Variants in COL27A1 observed in about 807,000 individuals in gnomAD.
The protein encoded by COL27A1 is collagen type XXVII alpha 1 chain, also known as collagen alpha-1(XXVII) chain.
In COL27A1, 106 loss-of-function variants were observed where a neutral mutation model predicts 251.3. The observed-to-expected ratio is 0.42, with a 90% CI of 0.36 to 0.50. The LOEUF (loss-of-function observed/expected upper bound fraction) is 0.50. COL27A1 is among the 20% of genes least tolerant of loss of function. The pLI is 0.00. For missense variants in COL27A1, 2,325 were observed against 2,522.8 expected (o/e 0.92, Z 1.68); for synonymous variants, 1,000 against 986.3 (o/e 1.01, Z -0.26).
At chr9:114,282,193 C>T (rs1395396354) in intron 37 of COL27A1, 84 bp from the exon 38 acceptor site, 19 of 1,295,586 alleles carry the variant, frequency 1.5e-5, no homozygotes, top group Non-Finnish European at 1.7e-5. Flanking sequence ...CCTCCAGAGC[C>T]GACAGTCTGA....
At chr9:114,206,362 G>C in intron 10 of COL27A1, 66 bp downstream of exon 10, 1 of 1,510,954 alleles carries the variant, frequency 6.6e-7, no homozygotes, top group Non-Finnish European at 9.2e-7. Flanking sequence ...TCCCTCCAGT[G>C]GGCTTGATGG....
At chr9:114,208,578 C>G (rs906047083) in intron 10 of COL27A1, among the ~76,000 whole-genome samples, 5 of 152,148 alleles carry the variant, frequency 3.3e-5, no homozygotes, top group African/African-American at 1.2e-4. Flanking sequence ...GCTCAATAAA[C>G]ATTAGCTTTT....
At chr9:114,236,150 C>T (rs1419084284) in intron 17 of COL27A1, among the ~76,000 whole-genome samples, 1 of 152,166 alleles carries the variant, frequency 6.6e-6, no homozygotes, top group African/African-American at 2.4e-5. Context: ...CCCAGCCTCT[C>T]CACACCACCC....
intron 23 of COL27A1, among the ~76,000 whole-genome samples, chr9:114,243,985 G>A (rs1476375564): frequency 6.7e-6 from 1 of 149,616 alleles, no homozygotes; most frequent in Non-Finnish European, 1.5e-5. Flanking sequence ...GAGTGCAGTG[G>A]TGCAATCTCA....
chr9:114,305,901 G>A (rs1829007859), intron 57 of COL27A1, among the ~76,000 whole-genome samples: 1 of 152,240 alleles, frequency 6.6e-6, no homozygotes, highest in Non-Finnish European at 1.5e-5. Flanking sequence ...TGGAAGGAGG[G>A]TTTATTTAGC....
At chr9:114,267,615 G>A in intron 34 of COL27A1, 58 bp downstream of exon 34, 1 of 1,438,366 alleles carries the variant, frequency 7.0e-7, no homozygotes, top group Non-Finnish European at 9.6e-7. Context: ...CCAGATGGTG[G>A]CCACATCCTC....
At chr9:114,262,124 C>A (rs1190563963) in intron 28 of COL27A1, among the ~76,000 whole-genome samples, 6 of 152,182 alleles carry the variant, frequency 3.9e-5, no homozygotes, top group African/African-American at 1.4e-4. Flanking sequence ...CAGTTGTCTG[C>A]CATCAGCTCA....
chr9:114,272,547 A>C (rs898106708), intron 36 of COL27A1: 1 of 152,244 alleles, frequency 6.6e-6, no homozygotes. Flanking sequence ...CTGCGTCTCG[A>C]ATATGCACAG....
chr9:114,288,012 C>T (rs1393730157), intron 41 of COL27A1, among the ~76,000 whole-genome samples: 2 of 152,210 alleles, frequency 1.3e-5, no homozygotes, highest in Non-Finnish European at 2.9e-5. Context: ...TGCCGGGCGT[C>T]GCGCATCATT....
intron 5 of COL27A1, among the ~76,000 whole-genome samples, chr9:114,191,836 G>A (rs1035895057): frequency 6.6e-6 from 1 of 152,156 alleles, no homozygotes; most frequent in Non-Finnish European, 1.5e-5. Context: ...TCTGTAAAAG[G>A]GGGATAGTGA....
chr9:114,205,632 C>T, intron 8 of COL27A1, 127 bp from the exon 9 acceptor site: 1 of 889,504 alleles, frequency 1.1e-6, no homozygotes, highest in Non-Finnish European at 1.9e-6. Context: ...CCTCCCCTTC[C>T]TCCTGTTCCA....
intron 24 of COL27A1, 104 bp from the exon 25 acceptor site, chr9:114,250,511 C>T: frequency 9.5e-7 from 1 of 1,049,154 alleles, no homozygotes; most frequent in Non-Finnish European, 1.5e-6. Flanking sequence ...GGTGACCAGG[C>T]ACGGGTGGGA....
chr9:114,285,976 T>C (rs1169827680), intron 41 of COL27A1, among the ~76,000 whole-genome samples: 1 of 152,128 alleles, frequency 6.6e-6, no homozygotes, highest in Non-Finnish European at 1.5e-5. Flanking sequence ...AGTGGTGGGG[T>C]CCTTGGGAAT....
chr9:114,219,046 G>A (rs149373632), intron 12 of COL27A1, among the ~76,000 whole-genome samples: 145 of 152,170 alleles, frequency 9.5e-4, no homozygotes, highest in African/African-American at 3.4e-3. Context: ...CAAGCTTGAG[G>A]ACTTTCTTTT....
intron 38 of COL27A1, 32 bp downstream of exon 38, chr9:114,282,362 C>T (rs374269167): frequency 1.6e-5 from 26 of 1,612,916 alleles, no homozygotes; most frequent in African/African-American, 2.7e-5. Context: ...GATAGGCCTG[C>T]GTCCCTCCCC....
chr9:114,304,605 C>T lies in COL27A1; in HGVS notation c.4873-3C>T. 2.5e-6 allele frequency: 4 copies of T among 1,614,114 alleles called. No homozygotes were observed. The highest frequency in any genetic ancestry group is 3.4e-6 in the Non-Finnish European group (4 of 1,180,006). ...ATACATACCCTGTCTTTTCCTTGCC[C>T]AGCAACAAGATGATCTTGGGGCAGC... On this transcript the variant is annotated splice_polypyrimidine_tract_variant and splice_region_variant and intron_variant, in intron 56 of 60. Coordinates refer to ENST00000356083, the MANE Select transcript of COL27A1 (RefSeq NM_032888.4).
intron 7 of COL27A1, among the ~76,000 whole-genome samples, chr9:114,202,358 C>T (rs1264870097): frequency 6.6e-6 from 1 of 152,162 alleles, no homozygotes; most frequent in Admixed American, 6.5e-5. Context: ...CCTGTTACTC[C>T]ATTGGATCTT....
chr9:114,301,008 C>T (rs572120704), intron 51 of COL27A1, 64 bp from the exon 52 acceptor site: 53 of 1,509,524 alleles, frequency 3.5e-5, no homozygotes, highest in Admixed American at 6.0e-5. Context: ...CCCTCCACCC[C>T]GCTCCCCGTG....
Position 114,241,678 on chromosome 9 carries a change from C to T in COL27A1, c.2836-509C>T, listed in dbSNP as rs926876941. 2.2e-4 allele frequency among the ~76,000 whole-genome samples: 34 copies of T among 152,208 alleles called. 1 individual carries two copies. The highest frequency in any genetic ancestry group is 8.2e-4 in the African/African-American group (34 of 41,452). ...CTTCATTCATTCATTCATTCACTCA[C>T]CAAACACCCCTTAGACACGGCACCA... On this transcript the variant is annotated intron_variant, in intron 21 of 60. Coordinates refer to ENST00000356083, the MANE Select transcript of COL27A1 (RefSeq NM_032888.4).
Sources: gnomAD v4.1 joint callset for allele counts (sites outside exome capture counted in the v4.1 genomes callset) on GRCh38, gnomAD v4.1.1 for gene constraint, MANE v1.5 for transcripts, NCBI Gene and HGNC (gene_info 2026-07-23, HGNC 2026-07-21) for gene names.